TTC17: variants seen among roughly 807,000 people sequenced by gnomAD.
TTC17 encodes the protein tetratricopeptide repeat domain 17.
In TTC17, 58 loss-of-function variants were observed where a neutral mutation model predicts 143.8. That is an observed-to-expected ratio of 0.40 (90% CI 0.33 to 0.50). TTC17 has a LOEUF of 0.50. TTC17 is among the 20% of genes least tolerant of loss of function. The pLI, the probability that TTC17 is intolerant of heterozygous loss-of-function variation, is 0.49. For missense variants in TTC17, 1,273 were observed against 1,392.5 expected, an observed-to-expected ratio of 0.91 and a Z score of 1.37; for synonymous variants, 501 against 497.8, an observed-to-expected ratio of 1.01 and a Z score of -0.09.
At chr11:43,475,627 A>G (rs1392426515) in intron 21 of TTC17, among the ~76,000 whole-genome samples, 2 of 152,174 alleles carry the variant, frequency 1.3e-5, no homozygotes, top group Non-Finnish European at 2.9e-5. Flanking sequence ...ACCTGGCCTC[A>G]ATTTCAGATA....
At chr11:43,482,767 A>C (rs1948311252) in intron 21 of TTC17, among the ~76,000 whole-genome samples, 1 of 152,114 alleles carries the variant, frequency 6.6e-6, no homozygotes, top group South Asian at 2.1e-4. Context: ...TTGAGAGGCT[A>C]ATTCAACTAT....
intron 16 of TTC17, among the ~76,000 whole-genome samples, chr11:43,425,282 G>A (rs1946999576): frequency 6.6e-6 from 1 of 151,896 alleles, no homozygotes; most frequent in Non-Finnish European, 1.5e-5. Flanking sequence ...TCACACCACT[G>A]CCCTTAAACC....
intron 21 of TTC17, among the ~76,000 whole-genome samples, chr11:43,482,071 A>G (rs575499240): frequency 6.6e-6 from 1 of 152,004 alleles, no homozygotes; most frequent in Non-Finnish European, 1.5e-5. Flanking sequence ...CGGCCTCCCA[A>G]AGTGCTGGGA....
intron 15 of TTC17, among the ~76,000 whole-genome samples, chr11:43,412,981 G>GACATACACACACACAC (rs1011505049): frequency 1.4e-5 from 2 of 140,482 alleles, no homozygotes; most frequent in African/African-American, 5.3e-5. Flanking sequence ...ACCTAGAATA[G>GACATACACACACACAC]ACACACACAC....
chr11:43,456,698 T>C (rs1947770730), intron 21 of TTC17, among the ~76,000 whole-genome samples: 2 of 152,180 alleles, frequency 1.3e-5, no homozygotes, highest in African/African-American at 4.8e-5. Flanking sequence ...CACTTGTTGA[T>C]TCAGGGTGTG....
chr11:43,463,695 G>A (rs1214496275), intron 21 of TTC17, among the ~76,000 whole-genome samples: 1 of 151,884 alleles, frequency 6.6e-6, no homozygotes, highest in African/African-American at 2.4e-5. Context: ...CTGGTGCCAG[G>A]CAAGCTATTA....
At chr11:43,439,772 G>A (rs542465100) in intron 16 of TTC17, among the ~76,000 whole-genome samples, 7 of 151,918 alleles carry the variant, frequency 4.6e-5, no homozygotes, top group East Asian at 3.9e-4. Flanking sequence ...CACCCAGCCC[G>A]TAGCTTCATC....
chr11:43,410,086 C>A (rs1858339584), intron 15 of TTC17, among the ~76,000 whole-genome samples: 1 of 152,126 alleles, frequency 6.6e-6, no homozygotes, highest in South Asian at 2.1e-4. Flanking sequence ...CTCCTGACCT[C>A]AAGTGATCCG....
intron 1 of TTC17, among the ~76,000 whole-genome samples, chr11:43,377,107 C>T (rs908347458): frequency 5.9e-5 from 9 of 152,144 alleles, no homozygotes; most frequent in Non-Finnish European, 1.0e-4. Context: ...GGCTGGCCAA[C>T]ATGGTGAAAC....
chr11:43,433,819 CAT>C (rs1260866042), intron 16 of TTC17, among the ~76,000 whole-genome samples: 15 of 152,140 alleles, frequency 9.9e-5, no homozygotes, highest in African/African-American at 2.7e-4. Flanking sequence ...TTTTACACAA[CAT>C]GTATCAATGT....
chr11:43,404,419 C>T (rs561104164), intron 11 of TTC17, among the ~76,000 whole-genome samples: 123 of 152,314 alleles, frequency 8.1e-4, no homozygotes, highest in African/African-American at 2.9e-3. Context: ...CCAACCTTAA[C>T]AAGTTTCTAA....
chr11:43,365,989 T>G (rs937272640), intron 1 of TTC17, among the ~76,000 whole-genome samples: 3 of 151,618 alleles, frequency 2.0e-5, no homozygotes, highest in Non-Finnish European at 4.4e-5. Context: ...TTAAGACCTT[T>G]TTTTTTTTTT....
Position 43,407,223 on chromosome 11 carries a change from A to T in TTC17, c.1839+8A>T. 2 of 1,584,622 alleles carry T rather than the reference A, an allele frequency of 1.3e-6. No homozygotes were observed. Among genetic ancestry groups the T allele is most frequent in the Non-Finnish European group, 1.7e-6 (2 of 1,165,566 alleles). On this transcript the variant is annotated splice_region_variant and intron_variant, in intron 14 of 23. Transcript: ENST00000039989. Reference sequence around the variant, plus strand: ...TTTCATGCTATTAATAAGGTGAGTCATTTACTTTAGACATCTAAAACTTAA... The same window carrying T: ...TTTCATGCTATTAATAAGGTGAGTCTTTTACTTTAGACATCTAAAACTTAA...
At chr11:43,486,442 T>C (rs936005357) in intron 21 of TTC17, 8 of 453,178 alleles carry the variant, frequency 1.8e-5, no homozygotes, top group Admixed American at 1.6e-4. Flanking sequence ...TTGGAATGTA[T>C]CCCTATCAGG....
At chr11:43,403,397 C>T (rs1344514371) in intron 10 of TTC17, among the ~76,000 whole-genome samples, 1 of 152,170 alleles carries the variant, frequency 6.6e-6, no homozygotes, top group Non-Finnish European at 1.5e-5. Context: ...TTCTCATTAT[C>T]TAGCAAGGTT....
At position 43,405,914 on chromosome 11, in the gene TTC17, A is replaced by G; in HGVS notation, c.1724A>G (p.Asp575Gly). The G allele has an allele frequency of 1.2e-6, 2 of 1,613,356 alleles. No individual in the cohort carries two copies. Among genetic ancestry groups the G allele is most frequent in the Non-Finnish European group, 1.7e-6 (2 of 1,179,804 alleles). Residue 575 changes from aspartate to glycine, a missense_variant, in exon 13 of 24, where the codon GAT becomes GGT. Physicochemically the swap from Asp to Gly is moderately conservative, Grantham distance 94. This residue lies in a region of TTC17 where 878 missense variants were observed against 899.8 expected (regional missense o/e 0.98). Coordinates refer to ENST00000039989, the MANE Select transcript of TTC17 (RefSeq NM_018259.6). ...GTCAAAGAATTAGAGGTTCGCATGG[A>G]TCTGAAAGCCAAAATGCCAGATGAC... Reference protein sequence around the residue: ...YLVKELEVRMDLKAKMPDDHA... With the variant: ...YLVKELEVRMGLKAKMPDDHA...
chr11:43,391,682 C>T (rs1346816715), intron 4 of TTC17, 106 bp downstream of exon 4: 1 of 1,297,870 alleles, frequency 7.7e-7, no homozygotes, highest in South Asian at 1.4e-5. Flanking sequence ...TTCCTGACAG[C>T]TTTGTAATTT....
intron 21 of TTC17, among the ~76,000 whole-genome samples, chr11:43,463,957 A>G (rs779186831): frequency 2.0e-5 from 3 of 152,252 alleles, no homozygotes; most frequent in Non-Finnish European, 4.4e-5. Flanking sequence ...GTATGTTTTA[A>G]TGCTAAATAG....
chr11:43,434,155 C>A (rs1947224950), intron 16 of TTC17, among the ~76,000 whole-genome samples: 1 of 149,178 alleles, frequency 6.7e-6, no homozygotes, highest in Non-Finnish European at 1.5e-5. Context: ...CCCATTAGCC[C>A]TCCATGGGCG....
Sources: gnomAD v4.1 joint callset for allele counts (sites outside exome capture counted in the v4.1 genomes callset) on GRCh38, gnomAD v4.1.1 for gene constraint, gnomAD v4.1.1 regional missense constraint, MANE v1.5 for transcripts, NCBI Gene and HGNC (gene_info 2026-07-23, HGNC 2026-07-21) for gene names.